Variants in JAML observed in about 807,000 individuals in gnomAD.
The protein encoded by JAML is junction adhesion molecule like.
In JAML, 25 loss-of-function variants were observed where a neutral mutation model predicts 39.3. That is an observed-to-expected ratio of 0.64 (90% CI 0.46 to 0.89). JAML has a LOEUF of 0.89. Ranked by LOEUF, JAML falls within the 40% of genes least tolerant of loss-of-function variation. The pLI is 0.00. For synonymous variants in JAML, 162 were observed against 179.2 expected, an observed-to-expected ratio of 0.90 and a Z score of 0.77; for missense variants, 440 against 486.9, an observed-to-expected ratio of 0.90 and a Z score of 0.91.
chr11:118,206,328 TC>T (rs1948915230), intron 4 of JAML, among the ~76,000 whole-genome samples: 1 of 152,152 alleles, frequency 6.6e-6, no homozygotes, highest in South Asian at 2.1e-4. Context: ...CCTTTCTCTT[TC>T]CCCTTTTCCA....
intron 1 of JAML, among the ~76,000 whole-genome samples, chr11:118,223,283 G>A (rs1221883224): frequency 6.6e-6 from 1 of 152,088 alleles, no homozygotes; most frequent in Admixed American, 6.6e-5. Context: ...TGTAGGGCCA[G>A]AATCCGGGCC....
At chr11:118,207,901 T>C (rs1373356964) in intron 4 of JAML, among the ~76,000 whole-genome samples, 2 of 152,188 alleles carry the variant, frequency 1.3e-5, no homozygotes, top group Admixed American at 6.5e-5. Flanking sequence ...AGGCTATGCT[T>C]GCATGGACAA....
At chr11:118,203,140 A>G in intron 6 of JAML, 1 of 567,822 alleles carries the variant, frequency 1.8e-6, no homozygotes, top group Non-Finnish European at 3.4e-6. Flanking sequence ...ACATCAGTAG[A>G]TGACCCTGGC....
intron 4 of JAML, among the ~76,000 whole-genome samples, chr11:118,208,597 A>G (rs1340487252): frequency 2.0e-5 from 3 of 152,220 alleles, no homozygotes; most frequent in African/African-American, 7.2e-5. Flanking sequence ...CTAAGGACCT[A>G]AGCTAGCTGC....
chr11:118,195,484 TA>T, intron 9 of JAML, among the ~76,000 whole-genome samples: 1 of 152,198 alleles, frequency 6.6e-6, no homozygotes, highest in Non-Finnish European at 1.5e-5. Context: ...TGGGTGCCTA[TA>T]ATTAGTCTAC....
intron 1 of JAML, among the ~76,000 whole-genome samples, chr11:118,216,099 T>C (rs1949136959): frequency 6.6e-6 from 1 of 152,182 alleles, no homozygotes; most frequent in East Asian, 1.9e-4. Context: ...TGGCCGGGCC[T>C]GGTGGCTCAC....
At chr11:118,223,085 ACT>A (rs59963931) in intron 1 of JAML, among the ~76,000 whole-genome samples, 12,140 of 119,314 alleles carry the variant, frequency 0.1, 1,855 homozygotes, top group African/African-American at 0.34. Context: ...ACAGAGTGAG[ACT>A]CTGTCTCAAA....
At position 118,198,080 on chromosome 11, in the gene JAML, G is replaced by A. The variant is rs766389835; in HGVS notation, c.923C>T (p.Ser308Phe). Reference protein sequence around the residue: ...KTCGNKSSVNSTVLVKNTKKT... With the variant: ...KTCGNKSSVNFTVLVKNTKKT... ...CTTCGTGTTCTTCACCAAGACTGTAGAATTCACTGAACTGCAAGACATGAA... is the reference window on the plus strand; with the variant it reads ...CTTCGTGTTCTTCACCAAGACTGTAAAATTCACTGAACTGCAAGACATGAA... The change falls in exon 8 of 10, where the codon TCT becomes TTT. Residue 308 changes from serine to phenylalanine, a missense_variant. Coordinates refer to ENST00000356289, the MANE Select transcript of JAML (RefSeq NM_001098526.2). 7 of 1,613,920 alleles carry A rather than the reference G, an allele frequency of 4.3e-6. No individual in the cohort carries two copies. The highest frequency in any genetic ancestry group is 5.1e-6 in the Non-Finnish European group (6 of 1,179,820).
chr11:118,200,686 C>T, intron 6 of JAML, 74 bp from the exon 7 acceptor site: 1 of 1,560,160 alleles, frequency 6.4e-7, no homozygotes, highest in Middle Eastern at 1.9e-4. Flanking sequence ...AGCCCTATAC[C>T]AAGTAGCACC....
chr11:118,216,276 G>A (rs180706860), intron 1 of JAML, among the ~76,000 whole-genome samples: 1 of 152,058 alleles, frequency 6.6e-6, no homozygotes, highest in Non-Finnish European at 1.5e-5. Flanking sequence ...GGCTGAGACA[G>A]GAGAATGGCG....
chr11:118,212,042 C>G (rs937327465), intron 3 of JAML, among the ~76,000 whole-genome samples: 6 of 152,162 alleles, frequency 3.9e-5, no homozygotes, highest in African/African-American at 1.4e-4. Context: ...TGCTACTTAA[C>G]AAAGGGTAGA....
At chr11:118,208,968 A>G (rs567202972) in intron 4 of JAML, 3 of 219,252 alleles carry the variant, frequency 1.4e-5, no homozygotes, top group African/African-American at 4.6e-5. Flanking sequence ...CCATTTCTAA[A>G]TAAGAAATTA....
intron 5 of JAML, chr11:118,204,945 C>G (rs899699718): frequency 4.6e-5 from 7 of 151,952 alleles, no homozygotes; most frequent in Non-Finnish European, 7.4e-5. Flanking sequence ...GTGACCTGGC[C>G]CCTAACATTT....
intron 9 of JAML, among the ~76,000 whole-genome samples, chr11:118,196,361 C>A (rs985290584): frequency 1.3e-5 from 2 of 152,116 alleles, no homozygotes; most frequent in Non-Finnish European, 2.9e-5. Context: ...CTCCTGGCCT[C>A]AAGCAATCCG....
At chr11:118,196,677 C>A (rs186409060) in intron 9 of JAML, 58 bp downstream of exon 9, 5 of 1,488,128 alleles carry the variant, frequency 3.4e-6, no homozygotes, top group Non-Finnish European at 3.7e-6. Context: ...CCACGCCCAC[C>A]ACCACCACCA....
At chr11:118,211,749 C>A (rs1949064164) in intron 3 of JAML, among the ~76,000 whole-genome samples, 1 of 152,136 alleles carries the variant, frequency 6.6e-6, no homozygotes. Context: ...TCCTGATATA[C>A]GAGTATCTAT....
intron 5 of JAML, chr11:118,205,135 T>C (rs1277998329): frequency 7.2e-5 from 11 of 152,206 alleles, no homozygotes; most frequent in African/African-American, 2.2e-4. Flanking sequence ...TCAGATAGCA[T>C]AGAGGAATCA....
In JAML at chr11:118,196,822, C is replaced by G. The variant is rs141143931; in HGVS notation, c.1006-1G>C. ...CAATTATTGGGGAGTAAATGTGTTT[C>G]TAGAGGGGGAAAATGGTACAAAAAT... On this transcript the variant is annotated splice_acceptor_variant, in intron 8 of 9. Transcript: ENST00000356289. LOFTEE classifies it high-confidence loss of function. 1.4e-3 allele frequency: 2,229 copies of G among 1,605,800 alleles called. 2 individuals are homozygous for G. Among genetic ancestry groups the G allele is most frequent in the Admixed American group, 3.5e-3 (209 of 59,978 alleles).
At chr11:118,207,467 T>A (rs1948941821) in intron 4 of JAML, among the ~76,000 whole-genome samples, 1 of 152,322 alleles carries the variant, frequency 6.6e-6, no homozygotes, top group East Asian at 1.9e-4. Flanking sequence ...GCACCCCACA[T>A]AAGTAGAAGG....
Sources: gnomAD v4.1 joint callset for allele counts (sites outside exome capture counted in the v4.1 genomes callset) on GRCh38, gnomAD v4.1.1 for gene constraint, MANE v1.5 for transcripts, NCBI Gene and HGNC (gene_info 2026-07-23, HGNC 2026-07-21) for gene names.